Variants in SUCLG2 observed in about 807,000 individuals in gnomAD.
SUCLG2 encodes succinate--CoA ligase [GDP-forming] subunit beta, mitochondrial.
SUCLG2 carries 42 observed loss-of-function variants against 47.9 expected under a neutral mutation model. The observed-to-expected ratio is 0.88, with a 90% CI of 0.69 to 1.14. The LOEUF is 1.14. SUCLG2 is among the 50% of genes most tolerant of loss of function. The pLI is 0.00. For missense variants in SUCLG2, 571 were observed against 525.9 expected (o/e 1.09, Z -0.84); for synonymous variants, 195 against 197.3 (o/e 0.99, Z 0.10).
intron 2 of SUCLG2, among the ~76,000 whole-genome samples, chr3:67,539,805 G>A (rs1199290044): frequency 6.6e-6 from 1 of 152,114 alleles, no homozygotes; most frequent in African/African-American, 2.4e-5. Flanking sequence ...TATGTGACCA[G>A]GAATTCATCC....
chr3:67,505,704 G>A (rs1437487074), intron 7 of SUCLG2, among the ~76,000 whole-genome samples: 1 of 152,194 alleles, frequency 6.6e-6, no homozygotes, highest in African/African-American at 2.4e-5. Context: ...GATCACACCT[G>A]TAATCCCAGC....
At chr3:67,634,119 C>T (rs1700969849) in intron 1 of SUCLG2, among the ~76,000 whole-genome samples, 1 of 152,204 alleles carries the variant, frequency 6.6e-6, no homozygotes. Flanking sequence ...CTACAACTTC[C>T]TTTCGTATCC....
chr3:67,455,266 G>C (rs943100537), intron 9 of SUCLG2, among the ~76,000 whole-genome samples: 1 of 152,122 alleles, frequency 6.6e-6, no homozygotes, highest in Non-Finnish European at 1.5e-5. Context: ...AGGCAAAAAG[G>C]ACATTGTAGA....
At chr3:67,519,403 A>G (rs897329051) in intron 5 of SUCLG2, among the ~76,000 whole-genome samples, 1 of 152,230 alleles carries the variant, frequency 6.6e-6, no homozygotes, top group African/African-American at 2.4e-5. Flanking sequence ...ATTTATTTTA[A>G]TGTGTAACAT....
intron 2 of SUCLG2, among the ~76,000 whole-genome samples, chr3:67,576,318 C>A (rs1707740387): frequency 6.6e-6 from 1 of 151,552 alleles, no homozygotes; most frequent in Admixed American, 6.6e-5. Flanking sequence ...AAGAGAGAGA[C>A]ACAGTATGCC....
At position 67,481,342 on chromosome 3, in the gene SUCLG2, G is replaced by T. The variant is rs146151079; in HGVS notation, c.1062+14456C>A. On this transcript the variant is annotated intron_variant, in intron 9 of 10. Coordinates refer to ENST00000307227, the MANE Select transcript of SUCLG2 (RefSeq NM_003848.4). ...GAGCATTACTGCTCTAGACCACGTG[G>T]ACCAGGACTTCTTGGTCACAACTTC... Among the ~76,000 whole-genome samples, 510 of 152,316 alleles carry T rather than the reference G, an allele frequency of 3.3e-3. 4 individuals are homozygous for T. Among genetic ancestry groups the T allele is most frequent in the African/African-American group, 0.012 (483 of 41,574 alleles).
chr3:67,425,520 A>T (rs1007817747), intron 9 of SUCLG2, among the ~76,000 whole-genome samples: 1 of 151,072 alleles, frequency 6.6e-6, no homozygotes, highest in East Asian at 1.9e-4. Context: ...GCCTAAGCAT[A>T]AAAAAAAAGG....
intron 1 of SUCLG2, among the ~76,000 whole-genome samples, chr3:67,631,140 T>C (rs1451290182): frequency 6.6e-6 from 1 of 152,164 alleles, no homozygotes; most frequent in Non-Finnish European, 1.5e-5. Flanking sequence ...CTTGACAGCA[T>C]TCAGCAGCCT....
chr3:67,400,370 T>C (rs116197275), intron 10 of SUCLG2, among the ~76,000 whole-genome samples: 5,959 of 152,196 alleles, frequency 0.039, 385 homozygotes, highest in African/African-American at 0.14. Flanking sequence ...TTGACAAATA[T>C]AAGCCAAAAA....
chr3:67,640,978 G>C (rs953271437), intron 1 of SUCLG2, among the ~76,000 whole-genome samples: 1 of 152,296 alleles, frequency 6.6e-6, no homozygotes, highest in Non-Finnish European at 1.5e-5. Flanking sequence ...TCTGGATAAA[G>C]AGAATGGTTA....
intron 2 of SUCLG2, among the ~76,000 whole-genome samples, chr3:67,568,571 T>C (rs1707527284): frequency 6.6e-6 from 1 of 152,182 alleles, no homozygotes; most frequent in Non-Finnish European, 1.5e-5. Context: ...CCCTCATTCT[T>C]CCTAGAGCAG....
intron 1 of SUCLG2, among the ~76,000 whole-genome samples, chr3:67,633,073 C>A (rs998103600): frequency 6.6e-6 from 1 of 152,190 alleles, no homozygotes; most frequent in South Asian, 2.1e-4. Context: ...CCATTCTCAT[C>A]GCTAGAATCC....
chr3:67,476,389 G>A (rs926295224), intron 9 of SUCLG2, among the ~76,000 whole-genome samples: 5 of 152,018 alleles, frequency 3.3e-5, no homozygotes, highest in African/African-American at 1.2e-4. Context: ...AGGGATCAAG[G>A]TTGTGCGCTC....
chr3:67,450,279 C>T (rs965999670), intron 9 of SUCLG2, among the ~76,000 whole-genome samples: 3 of 152,136 alleles, frequency 2.0e-5, no homozygotes, highest in Non-Finnish European at 2.9e-5. Flanking sequence ...TGGGCTGAAG[C>T]GATCCTGTCA....
intron 2 of SUCLG2, among the ~76,000 whole-genome samples, chr3:67,541,533 C>T (rs778776494): frequency 5.3e-5 from 8 of 152,178 alleles, no homozygotes; most frequent in Non-Finnish European, 7.3e-5. Context: ...ACCAAACCTA[C>T]GTTTGATTGG....
At chr3:67,624,017 C>A (rs1700780313) in intron 1 of SUCLG2, among the ~76,000 whole-genome samples, 1 of 152,202 alleles carries the variant, frequency 6.6e-6, no homozygotes, top group Admixed American at 6.5e-5. Flanking sequence ...AATTACTCCC[C>A]ACAGTCCTTT....
chr3:67,533,751 A>G (rs1007171044), intron 2 of SUCLG2, among the ~76,000 whole-genome samples: 1 of 152,204 alleles, frequency 6.6e-6, no homozygotes, highest in African/African-American at 2.4e-5. Context: ...CCAATCTTCA[A>G]TCATTACTAT....
intron 2 of SUCLG2, among the ~76,000 whole-genome samples, chr3:67,531,865 C>G (rs920417741): frequency 6.6e-6 from 1 of 152,208 alleles, no homozygotes; most frequent in Non-Finnish European, 1.5e-5. Flanking sequence ...TCAACAGTAA[C>G]TCGTCTCTTC....
chr3:67,426,062 A>T (rs1012527522), intron 9 of SUCLG2, among the ~76,000 whole-genome samples: 7 of 152,206 alleles, frequency 4.6e-5, no homozygotes, highest in African/African-American at 9.6e-5. Flanking sequence ...TATGAGAAAG[A>T]TTCTGTACTC....
Sources: gnomAD v4.1 joint callset for allele counts (sites outside exome capture counted in the v4.1 genomes callset) on GRCh38, gnomAD v4.1.1 for gene constraint, MANE v1.5 for transcripts, NCBI Gene and HGNC (gene_info 2026-07-23, HGNC 2026-07-21) for gene names.